ABI2: variants seen among roughly 807,000 people sequenced by gnomAD.
ABI2 encodes abl interactor 2.
Under a neutral mutation model 59.2 loss-of-function variants are expected in ABI2, and 25 were observed. That is an observed-to-expected ratio of 0.42 (90% confidence interval 0.31 to 0.59). The LOEUF (loss-of-function observed/expected upper bound fraction) is 0.59, where lower values mean the gene tolerates loss of function less well. Ranked by LOEUF, ABI2 falls within the 20% of genes least tolerant of loss-of-function variation. ABI2 has a pLI of 0.14. For synonymous variants in ABI2, 213 were observed against 235.5 expected (o/e 0.90, Z 0.87); for missense variants, 545 against 681.8 (o/e 0.80, Z 2.23).
intron 10 of ABI2, among the ~76,000 whole-genome samples, chr2:203,415,985 G>A (rs1490378405): frequency 6.6e-6 from 1 of 152,170 alleles, no homozygotes; most frequent in East Asian, 1.9e-4. Flanking sequence ...CTGAATTATA[G>A]TCTGAATTAG....
At chr2:203,371,451 A>G (rs921376588) in intron 2 of ABI2, among the ~76,000 whole-genome samples, 15 of 152,234 alleles carry the variant, frequency 9.9e-5, no homozygotes, top group Non-Finnish European at 2.1e-4. Context: ...AAAGGACAAT[A>G]TAGTATTAAG....
chr2:203,338,120 A>G (rs912782215), intron 1 of ABI2, among the ~76,000 whole-genome samples: 4 of 152,236 alleles, frequency 2.6e-5, no homozygotes, highest in Admixed American at 6.5e-5. Flanking sequence ...ATGTAGCCAC[A>G]TCTGTGCAGT....
chr2:203,381,533 T>C (rs977232395), intron 3 of ABI2, among the ~76,000 whole-genome samples: 1 of 152,218 alleles, frequency 6.6e-6, no homozygotes, highest in Non-Finnish European at 1.5e-5. Context: ...TCCCAAAATA[T>C]TGGGATTACA....
chr2:203,420,942 C>T (rs2098174437), intron 11 of ABI2, among the ~76,000 whole-genome samples: 1 of 100,052 alleles, frequency 1.0e-5, no homozygotes, highest in Admixed American at 1.5e-4. Context: ...TGGGGCAGAG[C>T]AGTGTCCAGT....
Position 203,432,038 on chromosome 2 carries a change from A to G in ABI2, c.*4686A>G, listed in dbSNP as rs1297980140. ...GAACTTGAGGGAGCAGTCTGTTGCC[A>G]GTAATGTTCCTTGTGTGCCATTAAA... On this transcript the variant is annotated 3_prime_UTR_variant, in exon 12 of 12. Transcript: ENST00000261018. The G allele has an allele frequency of 6.6e-6, 1 of 152,230 alleles. No homozygotes were observed. Among genetic ancestry groups the G allele is most frequent in the Non-Finnish European group, 1.5e-5 (1 of 68,042 alleles). 9.4% of individuals were successfully genotyped at this position (152,230 alleles called of 1,614,324 possible). A position where few individuals can be genotyped will look rare whatever the true frequency, so the allele number is the denominator to read the frequency against.
intron 5 of ABI2, among the ~76,000 whole-genome samples, chr2:203,393,314 C>T (rs560197236): frequency 6.3e-4 from 96 of 152,300 alleles, no homozygotes; most frequent in African/African-American, 2.2e-3. Flanking sequence ...CCCGGCCTCC[C>T]GAAGTGCTGG....
At chr2:203,371,201 C>G (rs1403094522) in intron 2 of ABI2, among the ~76,000 whole-genome samples, 2 of 152,212 alleles carry the variant, frequency 1.3e-5, no homozygotes, top group Non-Finnish European at 2.9e-5. Context: ...TGGTTCTGCT[C>G]TTTACCTCAA....
At position 203,396,915 on chromosome 2, in the gene ABI2, T is replaced by G. The variant is rs1258624107; in HGVS notation, c.981T>G (p.Ala327=). Residue 327 remains alanine (A), a synonymous_variant, in exon 8 of 12, where the codon GCT becomes GCG. Coordinates refer to ENST00000261018, the MANE Select transcript of ABI2 (RefSeq NM_001375670.1). ...DAAAGGAQTL[A]DGFTSPTPPV... is the part of the protein sequence containing the mutation. ...CTGCTGGGGGTGCCCAGACCCTTGC[T>G]GATGGCTTCACTTCTCCAACTCCCC... The G allele has an allele frequency of 6.5e-7, 1 of 1,527,148 alleles. No homozygotes were observed. The highest frequency in any genetic ancestry group is 8.7e-7 in the Non-Finnish European group (1 of 1,143,632). 94.6% of individuals were successfully genotyped at this position (1,527,148 alleles called of 1,614,324 possible).
intron 2 of ABI2, among the ~76,000 whole-genome samples, chr2:203,375,161 G>T (rs2095597691): frequency 6.6e-6 from 1 of 152,228 alleles, no homozygotes; most frequent in Admixed American, 6.5e-5. Flanking sequence ...TCAGTGAGAA[G>T]GATGGGGAAG....
intron 4 of ABI2, 125 bp from the exon 5 acceptor site, chr2:203,390,921 G>T: frequency 7.2e-6 from 5 of 696,400 alleles, no homozygotes; most frequent in Non-Finnish European, 1.3e-5. Context: ...GAAATGCATG[G>T]CCTCTAATTT....
chr2:203,393,190 G>C (rs760815645), intron 5 of ABI2, among the ~76,000 whole-genome samples: 1 of 152,156 alleles, frequency 6.6e-6, no homozygotes, highest in African/African-American at 2.4e-5. Context: ...GAGTAGCTGG[G>C]ATTACAGGTG....
At chr2:203,362,399 G>C (rs1421182336) in intron 1 of ABI2, among the ~76,000 whole-genome samples, 1 of 152,116 alleles carries the variant, frequency 6.6e-6, no homozygotes, top group African/African-American at 2.4e-5. Context: ...TGGACGTTCT[G>C]GGGGTAGTTG....
At chr2:203,399,591 C>G (rs1559334523) in intron 8 of ABI2, among the ~76,000 whole-genome samples, 1 of 152,228 alleles carries the variant, frequency 6.6e-6, no homozygotes, top group East Asian at 1.9e-4. Context: ...TCTCAGCTCA[C>G]TGCAATCTCC....
intron 1 of ABI2, among the ~76,000 whole-genome samples, chr2:203,365,017 A>G (rs889058551): frequency 6.6e-6 from 1 of 152,162 alleles, no homozygotes; most frequent in Non-Finnish European, 1.5e-5. Flanking sequence ...TACAGACATG[A>G]ACTGCCACGC....
intron 8 of ABI2, 128 bp from the exon 9 acceptor site, chr2:203,402,448 A>G: frequency 3.1e-6 from 2 of 650,504 alleles, no homozygotes; most frequent in Non-Finnish European, 4.6e-6. Flanking sequence ...CTTGCATTGT[A>G]TATTTCAGAT....
intron 1 of ABI2, among the ~76,000 whole-genome samples, chr2:203,364,520 G>A (rs1412210077): frequency 6.6e-6 from 1 of 152,082 alleles, no homozygotes; most frequent in Non-Finnish European, 1.5e-5. Context: ...AGCAACCTTG[G>A]TCCTTTAAAC....
chr2:203,418,646 C>T (rs904609403), intron 11 of ABI2, among the ~76,000 whole-genome samples: 1 of 152,196 alleles, frequency 6.6e-6, no homozygotes, highest in Non-Finnish European at 1.5e-5. Context: ...GACACTAGTC[C>T]TTTTTTCACC....
At chr2:203,331,026 TATTA>T (rs1285361929) in intron 1 of ABI2, among the ~76,000 whole-genome samples, 12 of 152,212 alleles carry the variant, frequency 7.9e-5, no homozygotes, top group African/African-American at 1.9e-4. Context: ...TATTGATTAA[TATTA>T]ATTTAATAGA....
rs966898508 is a variant in ABI2, at chr2:203,372,047, C to T, written c.285+5003C>T. ...CAGATAAACAAGTGAACAAAGGTCT[C>T]TGGTTTTCCTAGGCAGAGGACCCTG... On this transcript the variant is annotated intron_variant, in intron 2 of 11. Coordinates refer to ENST00000261018, the MANE Select transcript of ABI2 (RefSeq NM_001375670.1). Among the ~76,000 whole-genome samples, 49 of 151,974 alleles carry T rather than the reference C, an allele frequency of 3.2e-4. 1 individual carries two copies. Among genetic ancestry groups the T allele is most frequent in the Middle Eastern group, 3.4e-3 (1 of 294 alleles).
Sources: gnomAD v4.1 joint callset for allele counts (sites outside exome capture counted in the v4.1 genomes callset) on GRCh38, gnomAD v4.1.1 for gene constraint, MANE v1.5 for transcripts, NCBI Gene and HGNC (gene_info 2026-07-23, HGNC 2026-07-21) for gene names.